Variants in RHBDD3 observed in about 807,000 individuals in gnomAD.
The protein encoded by RHBDD3 is rhomboid domain containing 3.
In RHBDD3, 34 loss-of-function variants were observed where a neutral mutation model predicts 32.3. That is an observed-to-expected ratio of 1.05 (90% confidence interval 0.80 to 1.40). The LOEUF is 1.40. Ranked by LOEUF, RHBDD3 falls within the 40% of genes most tolerant of loss-of-function variation. RHBDD3 has a pLI of 0.00. For missense variants in RHBDD3, 482 were observed against 492.6 expected, an observed-to-expected ratio of 0.98 and a Z score of 0.20; for synonymous variants, 249 against 239.1, an observed-to-expected ratio of 1.04 and a Z score of -0.38.
At chr22:29,262,572 GCAA>G (rs764451461) in intron 4 of RHBDD3, among the ~76,000 whole-genome samples, 7 of 152,172 alleles carry the variant, frequency 4.6e-5, no homozygotes, top group Non-Finnish European at 8.8e-5. Context: ...GCTAATTTCT[GCAA>G]CAACAACAAA....
intron 2 of RHBDD3, among the ~76,000 whole-genome samples, chr22:29,266,968 C>T (rs1602105545): frequency 6.6e-6 from 1 of 152,222 alleles, no homozygotes; most frequent in East Asian, 1.9e-4. Context: ...TGGATCTTAT[C>T]CTTAGGAGCA....
chr22:29,265,270 A>G, intron 3 of RHBDD3: 1 of 425,956 alleles, frequency 2.3e-6, no homozygotes, highest in Non-Finnish European at 4.2e-6. Context: ...ACTCCTACCC[A>G]TAGGTTCCAG....
intron 6 of RHBDD3, 30 bp from the exon 7 acceptor site, chr22:29,260,267 T>G (rs772921510): frequency 1.6e-5 from 25 of 1,603,578 alleles, no homozygotes; most frequent in Middle Eastern, 1.6e-4. Context: ...AAGTGGGGAG[T>G]GTCAGGGCCA....
chr22:29,265,356 T>C (rs980102217), intron 3 of RHBDD3, 123 bp downstream of exon 3: 2 of 757,642 alleles, frequency 2.6e-6, no homozygotes, highest in Non-Finnish European at 4.0e-6. Context: ...GGCCATGCTT[T>C]CCCGGGACAC....
chr22:29,260,948 C>T, intron 4 of RHBDD3, 84 bp from the exon 5 acceptor site: 1 of 1,345,220 alleles, frequency 7.4e-7, no homozygotes, highest in South Asian at 1.5e-5. Context: ...GGCCCCATGC[C>T]AAGTGTGCTG....
rs542576914 is a variant in RHBDD3 at position 29,267,530 on chromosome 22, G to C, written c.-147C>G. On this transcript the variant is annotated 5_prime_UTR_variant, in exon 2 of 7. Transcript: ENST00000216085. ...GGATCTGTCTGGTTCGAACTCAGCT[G>C]GTGACTTTGCAGAGATACTCAATTT... The C allele has an allele frequency of 5.9e-5, 9 of 152,986 alleles. No individual in the cohort carries two copies. Among genetic ancestry groups the C allele is most frequent in the Admixed American group, 3.9e-4 (6 of 15,308 alleles). The allele number at this position is 152,986 out of a possible 1,614,324, so 9.5% of individuals were successfully genotyped here. A position where few individuals can be genotyped will look rare whatever the true frequency, so the allele number is the denominator to read the frequency against.
chr22:29,264,419 C>T lies in RHBDD3; in HGVS notation c.149-201G>A, dbSNP rs531641656. 4.0e-5 allele frequency: 56 copies of T among 1,401,966 alleles called. No individual in the cohort carries two copies. The Admixed American group carries it at 1.5e-3, about 39-fold the overall frequency. The allele number at this position is 1,401,966 out of a possible 1,614,324, so 86.8% of individuals were successfully genotyped here. A position where few individuals can be genotyped will look rare whatever the true frequency, so the allele number is the denominator to read the frequency against. ...ACTTCCAAACACTGTGGCTACGCCT[C>T]TGTGGTATTAAACAGAATACACTGG... On this transcript the variant is annotated intron_variant, in intron 3 of 6. Transcript: ENST00000216085.
chr22:29,260,483 C>G lies in RHBDD3; in HGVS notation c.826G>C (p.Asp276His). The change falls in exon 6 of 7, where the codon GAC becomes CAC. Residue 276 changes from aspartate (D) to histidine (H), a missense_variant. By Grantham distance (81) the Asp-to-His change is moderately conservative. Coordinates refer to ENST00000216085, the MANE Select transcript of RHBDD3 (RefSeq NM_012265.3). ...TWEGSSEAGL[D>H]WAGASFSPGT... Reference sequence around the variant, plus strand: ...GGGGAGAAGCTGGCCCCAGCCCAGTCCAGGCCTGCCTCTGAGGAGCCCTCC... The same window carrying G: ...GGGGAGAAGCTGGCCCCAGCCCAGTGCAGGCCTGCCTCTGAGGAGCCCTCC... 1 of 1,605,680 alleles carries G rather than the reference C, an allele frequency of 6.2e-7. No individual in the cohort carries two copies. Among genetic ancestry groups the G allele is most frequent in the Non-Finnish European group, 8.5e-7 (1 of 1,177,672 alleles).
intron 4 of RHBDD3, among the ~76,000 whole-genome samples, 187 bp downstream of exon 4, chr22:29,263,647 CA>C (rs2058144310): frequency 6.6e-6 from 1 of 152,170 alleles, no homozygotes; most frequent in South Asian, 2.1e-4. Context: ...GCACCTCCAC[CA>C]GGCCATAAGA....
chr22:29,268,158 G>A (rs2058275786), upstream of RHBDD3: 2 of 726,622 alleles, frequency 2.8e-6, no homozygotes, highest in Middle Eastern at 7.0e-4. Flanking sequence ...AGAGGACTGG[G>A]ACAAGAGTTG....
intron 4 of RHBDD3, among the ~76,000 whole-genome samples, chr22:29,263,457 C>A (rs778512139): frequency 4.6e-5 from 7 of 152,328 alleles, no homozygotes; most frequent in Non-Finnish European, 1.0e-4. Context: ...GGGTTACAGG[C>A]GTGAGCCACT....
intron 4 of RHBDD3, chr22:29,261,713 G>C (rs1182895225): frequency 5.5e-6 from 1 of 183,156 alleles, no homozygotes; most frequent in African/African-American, 2.4e-5. Context: ...GATATGCAGT[G>C]GTGAAATCTC....
chr22:29,263,908 A>C lies in RHBDD3; in HGVS notation c.459T>G (p.Leu153=), dbSNP rs772145361. ...LPPWLSPWLL[L]ALTPLLSSEP... Reference sequence around the variant, plus strand: ...CAGAGCTGAGCAGTGGGGTCAGGGCAAGCAGCAGCCACGGCGACAGCCACG... The same window carrying C: ...CAGAGCTGAGCAGTGGGGTCAGGGCCAGCAGCAGCCACGGCGACAGCCACG... Residue 153 remains leucine, a synonymous_variant, in exon 4 of 7, where the codon CTT becomes CTG. Coordinates refer to ENST00000216085, the MANE Select transcript of RHBDD3 (RefSeq NM_012265.3). The C allele has an allele frequency of 5.8e-6, 9 of 1,549,046 alleles. No individual in the cohort carries two copies. The highest frequency in any genetic ancestry group is 7.8e-6 in the Non-Finnish European group (9 of 1,146,958).
rs1264005674 is a variant in RHBDD3 at position 29,265,554 on chromosome 22, T to G, written c.73A>C (p.Met25Leu). ...GCCCCCACCAGCCACAGGGTGCTCA[T>G]CAGCAGCATCAGGACTGAGGAGGCC... ...PLASSVLMLL[M>L]STLWLVGAGP... The change falls in exon 3 of 7, where the codon ATG (methionine) becomes CTG (leucine). Residue 25 changes from methionine (M) to leucine (L), a missense_variant. Met to Leu is a conservative substitution (Grantham distance 15). Coordinates refer to ENST00000216085, the MANE Select transcript of RHBDD3 (RefSeq NM_012265.3). 40 of 1,588,072 alleles carry G rather than the reference T, an allele frequency of 2.5e-5. No individual in the cohort carries two copies. Among genetic ancestry groups the G allele is most frequent in the Non-Finnish European group, 3.2e-5 (38 of 1,170,728 alleles).
chr22:29,263,921 G>A lies in RHBDD3; in HGVS notation c.446C>T (p.Pro149Leu), dbSNP rs146869606. The A allele has an allele frequency of 2.2e-5, 34 of 1,549,706 alleles. No homozygotes were observed. Among genetic ancestry groups the A allele is most frequent in the African/African-American group, 2.1e-4 (15 of 73,108 alleles). ...PRGALPPWLS[P>L]WLLLALTPLL... is the part of the protein sequence containing the mutation. ...TGGGGTCAGGGCAAGCAGCAGCCAC[G>A]GCGACAGCCACGGTGGCAGTGCCCC... The change falls in exon 4 of 7, where the codon CCG (proline) becomes CTG (leucine). Residue 149 changes from proline (P) to leucine (L), a missense_variant. By Grantham distance (98) the Pro-to-Leu change is moderately conservative. Coordinates refer to ENST00000216085, the MANE Select transcript of RHBDD3 (RefSeq NM_012265.3).
intron 4 of RHBDD3, chr22:29,261,312 G>A: frequency 2.1e-6 from 1 of 473,890 alleles, no homozygotes; most frequent in Non-Finnish European, 4.4e-6. Flanking sequence ...AATCATCTTA[G>A]GGCTGGACGC....
In RHBDD3 at chr22:29,264,710, C is replaced by T. The variant is rs559414134; in HGVS notation, c.149-492G>A. ...AACAGGTGCTCAGCTGAGGTCACTC[C>T]TCAAAACCCCAACACCTCCTCCTCC... On this transcript the variant is annotated intron_variant, in intron 3 of 6. Coordinates refer to ENST00000216085, the MANE Select transcript of RHBDD3 (RefSeq NM_012265.3). The T allele has an allele frequency of 2.5e-5, 4 of 160,628 alleles. No homozygotes were observed. The Admixed American group carries it at 2.6e-4, about 10-fold the overall frequency. The allele number at this position is 160,628 out of a possible 1,614,324, so 10.0% of individuals were successfully genotyped here.
Position 29,264,239 on chromosome 22 carries a change from A to C in RHBDD3, c.149-21T>G, listed in dbSNP as rs2058152753. On this transcript the variant is annotated intron_variant, in intron 3 of 6. Coordinates refer to ENST00000216085, the MANE Select transcript of RHBDD3 (RefSeq NM_012265.3). Reference sequence around the variant, plus strand: ...GTGCACTGGGAGAGAGAAGGGGCTTATGTGCCAGGTTAGTGGCCCCAACAT... The same window carrying C: ...GTGCACTGGGAGAGAGAAGGGGCTTCTGTGCCAGGTTAGTGGCCCCAACAT... 3 of 1,507,084 alleles carry C rather than the reference A, an allele frequency of 2.0e-6. No homozygotes were observed. The Admixed American group carries it at 6.7e-5, about 34-fold the overall frequency. 93.4% of individuals were successfully genotyped at this position (1,507,084 alleles called of 1,614,324 possible). A position where few individuals can be genotyped will look rare whatever the true frequency, so the allele number is the denominator to read the frequency against.
chr22:29,260,782 C>A lies in RHBDD3; in HGVS notation c.615G>T (p.Leu205Phe), dbSNP rs770624292. 3.7e-6 allele frequency: 6 copies of A among 1,603,584 alleles called. No homozygotes were observed. Among genetic ancestry groups the A allele is most frequent in the Non-Finnish European group, 3.4e-6 (4 of 1,176,708 alleles). Reference protein sequence around the residue: ...VLQEGVLCRTLAGCWPLRLLA... With the variant: ...VLQEGVLCRTFAGCWPLRLLA... ...GGAGCCTCAGGGGCCAGCACCCCGC[C>A]AAGGTCCTGCACAAGACGCCCTCCT... Residue 205 changes from leucine to phenylalanine, a missense_variant, in exon 5 of 7, where the codon TTG (leucine) becomes TTT (phenylalanine). Physicochemically the swap from Leu to Phe is conservative, Grantham distance 22. Transcript: ENST00000216085.
Sources: allele counts gnomAD v4.1 joint callset (sites outside exome capture counted in the v4.1 genomes callset), GRCh38; gene constraint gnomAD v4.1.1; transcripts MANE v1.5; gene names NCBI Gene and HGNC (gene_info 2026-07-23, HGNC 2026-07-21).